HTR3B: variants seen among roughly 807,000 people sequenced by gnomAD.
HTR3B encodes the protein 5-hydroxytryptamine receptor 3B.
A neutral mutation model predicts 42.8 loss-of-function variants in HTR3B; 44 were observed. The ratio of observed to expected loss-of-function variants is 1.03; its 90% CI spans 0.81 to 1.32. HTR3B has a LOEUF of 1.32. Ranked by LOEUF, HTR3B falls within the 40% of genes most tolerant of loss-of-function variation. The pLI, the probability that HTR3B is intolerant of heterozygous loss-of-function variation, is 0.00. For missense variants in HTR3B, 527 were observed against 536.5 expected, an observed-to-expected ratio of 0.98 and a Z score of 0.17; for synonymous variants, 203 against 209.0, an observed-to-expected ratio of 0.97 and a Z score of 0.25.
rs183460956 is a variant in HTR3B at position 113,932,871 on chromosome 11, G to A, written c.539-65G>A. The stretch of plus-strand genomic sequence containing the variant: ...GAGGAAGGATTCGAATTGGGAGCTG[G>A]AAAAGTGGGTGGATGTTGGCATCTC... On this transcript the variant is annotated intron_variant, in intron 5 of 8. Transcript: ENST00000260191. The A allele has an allele frequency of 1.7e-5, 27 of 1,543,296 alleles. No homozygotes were observed. In the Admixed American group the frequency reaches 4.6e-4, roughly 26 times the overall value.
At position 113,922,097 on chromosome 11, in the gene HTR3B, A is replaced by G. The variant is rs367868089; in HGVS notation, c.214-9287A>G. ...CCAAATGTCTTTCTCTTCATTCTCCATCTGCAAAATATTGTAGTCCTTCAA... is the reference window on the plus strand; with the variant it reads ...CCAAATGTCTTTCTCTTCATTCTCCGTCTGCAAAATATTGTAGTCCTTCAA... On this transcript the variant is annotated intron_variant, in intron 2 of 8. Transcript: ENST00000260191. Among the ~76,000 whole-genome samples, 111 of 152,256 alleles carry G rather than the reference A, an allele frequency of 7.3e-4. 2 individuals are homozygous for G. The East Asian group carries it at 0.012, about 16-fold the overall frequency.
chr11:113,920,764 TA>T (rs1168296841), intron 2 of HTR3B, among the ~76,000 whole-genome samples: 1 of 152,198 alleles, frequency 6.6e-6, no homozygotes, highest in African/African-American at 2.4e-5. Flanking sequence ...TACCTCTTAC[TA>T]AAAAGCCTAG....
In HTR3B at chr11:113,942,965, C is replaced by T; in HGVS notation, c.697-17C>T. The T allele has an allele frequency of 6.2e-7, 1 of 1,611,736 alleles. No individual in the cohort carries two copies. The highest frequency in any genetic ancestry group is 8.5e-7 in the Non-Finnish European group (1 of 1,178,016). On this transcript the variant is annotated splice_polypyrimidine_tract_variant and intron_variant, in intron 6 of 8. Transcript: ENST00000260191. ...GGCCTAGATCCTCTTTTCATCAGAC[C>T]ACTTGTTCCCGGCCAGGTGGTGATG...
chr11:113,940,737 T>C (rs1294939143), intron 6 of HTR3B, among the ~76,000 whole-genome samples: 3 of 152,180 alleles, frequency 2.0e-5, no homozygotes, highest in Non-Finnish European at 2.9e-5. Flanking sequence ...CCCACTCTTA[T>C]CAGCAAGGTG....
intron 2 of HTR3B, among the ~76,000 whole-genome samples, chr11:113,919,146 C>T (rs1399527148): frequency 5.9e-5 from 9 of 151,910 alleles, no homozygotes; most frequent in African/African-American, 1.7e-4. Flanking sequence ...AGCTTTTTAG[C>T]GATCCATCTT....
At chr11:113,935,086 C>G (rs188909302) in intron 6 of HTR3B, among the ~76,000 whole-genome samples, 58 of 152,202 alleles carry the variant, frequency 3.8e-4, no homozygotes, top group African/African-American at 1.4e-3. Flanking sequence ...CATAGAGCAG[C>G]TATTATTTGT....
rs138362802 is a variant in HTR3B at position 113,943,078 on chromosome 11, C to T, written c.793C>T (p.Pro265Ser). Residue 265 changes from proline to serine, a missense_variant, in exon 7 of 9, where the codon CCC (proline) becomes TCC (serine). Physicochemically the swap from Pro to Ser is moderately conservative, Grantham distance 74 (BLOSUM62 -1). Coordinates refer to ENST00000260191, the MANE Select transcript of HTR3B (RefSeq NM_006028.5). ...LVDLGSFYLP[P>S]NCRARIVFKT... The stretch of plus-strand genomic sequence containing the variant: ...GGACCTGGGGAGCTTCTACCTGCCA[C>T]CCAACTGCCGAGCCAGGATTGTGTT... 4.3e-6 allele frequency: 7 copies of T among 1,614,090 alleles called. No individual in the cohort carries two copies. Among genetic ancestry groups the T allele is most frequent in the African/African-American group, 1.3e-5 (1 of 75,024 alleles).
intron 2 of HTR3B, among the ~76,000 whole-genome samples, chr11:113,923,661 C>G (rs770019952): frequency 3.3e-5 from 5 of 152,050 alleles, no homozygotes; most frequent in Non-Finnish European, 5.9e-5. Flanking sequence ...TTCCAATTCT[C>G]TGAAATATCC....
chr11:113,941,582 C>T (rs2137536346), intron 6 of HTR3B, among the ~76,000 whole-genome samples: 1 of 152,240 alleles, frequency 6.6e-6, no homozygotes, highest in Middle Eastern at 3.4e-3. Context: ...CACTCCTCCA[C>T]CCCCTGCATC....
At chr11:113,931,245 A>G (rs747855129) in intron 2 of HTR3B, 139 bp from the exon 3 acceptor site, 1 of 661,074 alleles carries the variant, frequency 1.5e-6, no homozygotes, top group Non-Finnish European at 2.7e-6. Flanking sequence ...CTAGGTATTG[A>G]AGAGTCTAGG....
intron 6 of HTR3B, among the ~76,000 whole-genome samples, chr11:113,933,692 A>G (rs1423873815): frequency 6.6e-6 from 1 of 152,126 alleles, no homozygotes; most frequent in Non-Finnish European, 1.5e-5. Flanking sequence ...CATTGTTCAT[A>G]GGGAAATTTG....
chr11:113,935,368 C>G (rs1950082964), intron 6 of HTR3B, among the ~76,000 whole-genome samples: 1 of 137,750 alleles, frequency 7.3e-6, no homozygotes, highest in Non-Finnish European at 1.7e-5. Context: ...TCCTTTTGCC[C>G]CGGGGGTGGA....
rs1950189594 is a variant in HTR3B, at chr11:113,947,590, C to T, written c.*1453C>T. On this transcript the variant is annotated 3_prime_UTR_variant, in exon 9 of 9. Coordinates refer to ENST00000260191, the MANE Select transcript of HTR3B (RefSeq NM_006028.5). ...GACTTCTTGCTTTGTTTTCACATGA[C>T]CTTTCCTCTGTGCATGCTCATGTCT... is the stretch of plus-strand genomic sequence containing the variant. Among the ~76,000 whole-genome samples the T allele has an allele frequency of 6.6e-6, 1 of 152,148 alleles. No individual in the cohort carries two copies. The highest frequency in any genetic ancestry group is 1.5e-5 in the Non-Finnish European group (1 of 68,042).
chr11:113,939,977 C>CT (rs1462728575), intron 6 of HTR3B, among the ~76,000 whole-genome samples: 10 of 150,702 alleles, frequency 6.6e-5, no homozygotes, highest in African/African-American at 2.4e-4. Flanking sequence ...ACCTCTGCCT[C>CT]TTGAGTTCAA....
Position 113,945,997 on chromosome 11 carries a change from G to C in HTR3B, c.1186G>C (p.Asp396His), listed in dbSNP as rs776649465. The C allele has an allele frequency of 7.4e-6, 12 of 1,614,004 alleles. No homozygotes were observed. Among genetic ancestry groups the C allele is most frequent in the Non-Finnish European group, 1.0e-5 (12 of 1,179,994 alleles). Reference protein sequence around the residue: ...QSISNYLQTQDQTDQQEAEWL... With the variant: ...QSISNYLQTQHQTDQQEAEWL... ...TATCAGCAACTACCTCCAAACTCAG[G>C]ACCAGACAGACCAACAGGAGGCAGA... Residue 396 changes from aspartate (D) to histidine (H), a missense_variant, in exon 9 of 9, where the codon GAC becomes CAC. By Grantham distance (81) the Asp-to-His change is moderately conservative (BLOSUM62 -1). Coordinates refer to ENST00000260191, the MANE Select transcript of HTR3B (RefSeq NM_006028.5).
intron 1 of HTR3B, among the ~76,000 whole-genome samples, chr11:113,905,476 G>A (rs184314226): frequency 7.2e-5 from 11 of 152,068 alleles, no homozygotes; most frequent in Non-Finnish European, 1.2e-4. Flanking sequence ...TTAACATCTC[G>A]CCTTACAAAA....
chr11:113,901,770 CAAAGA>C (rs1245713319), upstream of HTR3B, among the ~76,000 whole-genome samples: 5 of 152,032 alleles, frequency 3.3e-5, no homozygotes, highest in Non-Finnish European at 7.4e-5. Flanking sequence ...TCAGAAAGTG[CAAAGA>C]AAAGGGAGGG....
chr11:113,946,474 A>G lies in HTR3B; in HGVS notation c.*337A>G, dbSNP rs574100892. The G allele has an allele frequency of 1.4e-4, 23 of 169,802 alleles. 1 individual carries two copies. The highest frequency in any genetic ancestry group is 2.4e-4 in the Non-Finnish European group (19 of 78,302). The allele number at this position is 169,802 out of a possible 1,614,324, so 10.5% of individuals were successfully genotyped here. A position where few individuals can be genotyped will look rare whatever the true frequency, so the allele number is the denominator to read the frequency against. The stretch of plus-strand genomic sequence containing the variant: ...AGCCCAGGATTTCAAGGCTGCAGTG[A>G]GCCATGATTGCACCACTGCACCCCA... On this transcript the variant is annotated 3_prime_UTR_variant, in exon 9 of 9. Transcript: ENST00000260191.
chr11:113,940,710 C>T (rs1011585754), intron 6 of HTR3B, among the ~76,000 whole-genome samples: 2 of 152,208 alleles, frequency 1.3e-5, no homozygotes, highest in Admixed American at 6.5e-5. Context: ...GCTCCCAGAC[C>T]CAATGGCTGG....
Sources: allele counts gnomAD v4.1 joint callset (sites outside exome capture counted in the v4.1 genomes callset), GRCh38; gene constraint gnomAD v4.1.1; transcripts MANE v1.5; gene names NCBI Gene and HGNC (gene_info 2026-07-23, HGNC 2026-07-21).